Variants in AP3B1 observed in about 807,000 individuals in gnomAD.
AP3B1 encodes AP-3 complex subunit beta-1.
AP3B1 carries 61 observed loss-of-function variants against 132.5 expected under a neutral mutation model. The observed-to-expected ratio is 0.46, with a 90% confidence interval of 0.37 to 0.57. The LOEUF (loss-of-function observed/expected upper bound fraction) is 0.57. AP3B1 is among the 20% of genes least tolerant of loss of function. The pLI, the probability that AP3B1 is intolerant of heterozygous loss-of-function variation, is 0.00. For synonymous variants in AP3B1, 388 were observed against 438.3 expected (o/e 0.89, Z 1.43); for missense variants, 1,120 against 1,289.4 (o/e 0.87, Z 2.01).
Position 78,029,611 on chromosome 5 carries a change from C to T in AP3B1, c.2894+4750G>A, listed in dbSNP as rs78365849. Among the ~76,000 whole-genome samples the T allele has an allele frequency of 6.7e-3, 1,021 of 152,150 alleles. 5 individuals are homozygous for T. The highest frequency in any genetic ancestry group is 0.017 in the Middle Eastern group (5 of 292). ...CTTTTTTTGTTTTATATTTGCCATG[C>T]TTTTTCCTCTTCCTCTTGGTTAAAC... On this transcript the variant is annotated intron_variant, in intron 24 of 26. Coordinates refer to ENST00000255194, the MANE Select transcript of AP3B1 (RefSeq NM_003664.5).
At chr5:78,131,705 A>C (rs1379036503) in intron 15 of AP3B1, among the ~76,000 whole-genome samples, 1 of 152,142 alleles carries the variant, frequency 6.6e-6, no homozygotes, top group Admixed American at 6.5e-5. Context: ...GATAGGTGAG[A>C]TAGTGCAAAT....
chr5:78,026,419 A>G (rs1184297570), intron 24 of AP3B1, among the ~76,000 whole-genome samples: 2 of 152,238 alleles, frequency 1.3e-5, no homozygotes, highest in Non-Finnish European at 2.9e-5. Flanking sequence ...GAAACGGGCA[A>G]GCAGCCTATT....
intron 7 of AP3B1, among the ~76,000 whole-genome samples, chr5:78,205,841 G>T (rs1331670467): frequency 7.4e-6 from 1 of 135,180 alleles, no homozygotes. Context: ...GAGGAAAGGG[G>T]ATTTATTTTG....
intron 3 of AP3B1, among the ~76,000 whole-genome samples, chr5:78,234,735 A>G (rs4605769): frequency 0.33 from 50,749 of 152,072 alleles, 8,573 homozygotes; most frequent in Middle Eastern, 0.43. Flanking sequence ...TGCTTGGCAT[A>G]TAGTAAAAGC....
At chr5:78,245,254 A>C (rs975873441) in intron 2 of AP3B1, among the ~76,000 whole-genome samples, 1 of 152,224 alleles carries the variant, frequency 6.6e-6, no homozygotes, top group African/African-American at 2.4e-5. Flanking sequence ...AATGCGTAAT[A>C]GGCGTAATCT....
At position 78,253,803 on chromosome 5, in the gene AP3B1, A is replaced by G. The variant is rs181695864; in HGVS notation, c.205-12867T>C. Among the ~76,000 whole-genome samples the G allele has an allele frequency of 3.1e-4, 47 of 151,694 alleles. No individual in the cohort carries two copies. The East Asian group carries it at 8.4e-3, about 27-fold the overall frequency. ...AACACAGTGAAACCCCATCTCTACT[A>G]AAAAATATAAAAAATTAGCCGGGCA... On this transcript the variant is annotated intron_variant, in intron 2 of 26. Coordinates refer to ENST00000255194, the MANE Select transcript of AP3B1 (RefSeq NM_003664.5).
chr5:78,194,899 AAT>A (rs1441735458), intron 7 of AP3B1, among the ~76,000 whole-genome samples: 1 of 152,180 alleles, frequency 6.6e-6, no homozygotes, highest in East Asian at 1.9e-4. Context: ...ATGTCTCTAA[AAT>A]ATATGTGATA....
At chr5:78,153,394 G>T (rs927601585) in intron 14 of AP3B1, among the ~76,000 whole-genome samples, 1 of 151,772 alleles carries the variant, frequency 6.6e-6, no homozygotes, top group African/African-American at 2.4e-5. Context: ...GTTTCTACCA[G>T]CATGGAATGT....
chr5:78,077,359 C>T (rs1211954594), intron 22 of AP3B1, among the ~76,000 whole-genome samples: 1 of 152,154 alleles, frequency 6.6e-6, no homozygotes, highest in Non-Finnish European at 1.5e-5. Flanking sequence ...ATACTGCCCC[C>T]CATGAATCCC....
chr5:78,182,368 C>G (rs568294730), intron 7 of AP3B1, among the ~76,000 whole-genome samples: 14 of 152,362 alleles, frequency 9.2e-5, no homozygotes, highest in African/African-American at 3.4e-4. Context: ...AACATACTTT[C>G]TGCTTCCAGG....
At chr5:78,218,559 C>T (rs969251284) in intron 6 of AP3B1, among the ~76,000 whole-genome samples, 3 of 151,902 alleles carry the variant, frequency 2.0e-5, no homozygotes, top group Non-Finnish European at 2.9e-5. Flanking sequence ...AAAGTGACAC[C>T]CCATCTATGG....
intron 22 of AP3B1, among the ~76,000 whole-genome samples, chr5:78,066,598 C>T (rs146236598): frequency 1.2e-3 from 182 of 152,188 alleles, no homozygotes; most frequent in East Asian, 7.1e-3. Flanking sequence ...TGAAATAAGA[C>T]AGGCAGACAA....
At chr5:78,264,756 A>T (rs536350257) in intron 2 of AP3B1, among the ~76,000 whole-genome samples, 2 of 152,372 alleles carry the variant, frequency 1.3e-5, no homozygotes, top group South Asian at 4.1e-4. Flanking sequence ...ATTTATACAA[A>T]ACTATTTATT....
chr5:78,271,591 G>C (rs1055624723), intron 1 of AP3B1, among the ~76,000 whole-genome samples: 1 of 152,130 alleles, frequency 6.6e-6, no homozygotes, highest in Non-Finnish European at 1.5e-5. Flanking sequence ...CTCTCACACA[G>C]GGTAACAAAC....
chr5:78,129,373 A>T, intron 15 of AP3B1, 66 bp from the exon 16 acceptor site: 2 of 1,306,244 alleles, frequency 1.5e-6, no homozygotes, highest in Admixed American at 1.7e-5. Flanking sequence ...CTCTGGATAA[A>T]CATATTTAAA....
At chr5:78,005,849 C>G (rs1316904691) in intron 26 of AP3B1, among the ~76,000 whole-genome samples, 1 of 152,162 alleles carries the variant, frequency 6.6e-6, no homozygotes, top group Non-Finnish European at 1.5e-5. Context: ...GGCTATGCTT[C>G]AACATACATG....
intron 24 of AP3B1, among the ~76,000 whole-genome samples, chr5:78,030,649 T>C (rs923364817): frequency 6.6e-6 from 1 of 152,200 alleles, no homozygotes; most frequent in Non-Finnish European, 1.5e-5. Context: ...TCTGAAGGCT[T>C]GCGTGTTTCT....
At chr5:78,267,704 T>C in intron 1 of AP3B1, 109 bp from the exon 2 acceptor site, 2 of 674,394 alleles carry the variant, frequency 3.0e-6, no homozygotes, top group Non-Finnish European at 4.8e-6. Flanking sequence ...CAATGTTAAA[T>C]AACTGCAGCA....
At chr5:78,226,116 T>G (rs911118555) in intron 5 of AP3B1, among the ~76,000 whole-genome samples, 1 of 152,024 alleles carries the variant, frequency 6.6e-6, no homozygotes, top group Non-Finnish European at 1.5e-5. Flanking sequence ...GCTTAAAACA[T>G]TTGAGATAGA....
Sources: allele counts gnomAD v4.1 joint callset (sites outside exome capture counted in the v4.1 genomes callset), GRCh38; gene constraint gnomAD v4.1.1; transcripts MANE v1.5; gene names NCBI Gene and HGNC (gene_info 2026-07-23, HGNC 2026-07-21).